CADM1: variants seen among roughly 807,000 people sequenced by gnomAD.
CADM1 encodes TSLC-1.
A neutral mutation model predicts 53.1 loss-of-function variants in CADM1; 15 were observed. The observed-to-expected ratio is 0.28, with a 90% CI of 0.19 to 0.44. The LOEUF (loss-of-function observed/expected upper bound fraction) is 0.44. Ranked by LOEUF, CADM1 falls within the 20% of genes least tolerant of loss-of-function variation. CADM1 has a pLI of 1.00. For missense variants in CADM1, 434 were observed against 611.3 expected (o/e 0.71, Z 3.06); for synonymous variants, 281 against 243.0 (o/e 1.16, Z -1.45).
At chr11:115,458,777 C>G (rs1948733748) in intron 1 of CADM1, among the ~76,000 whole-genome samples, 1 of 151,996 alleles carries the variant, frequency 6.6e-6, no homozygotes, top group Non-Finnish European at 1.5e-5. Flanking sequence ...AACAGGTCCT[C>G]CAGAATCAGA....
At chr11:115,333,090 G>C (rs778780457) in intron 1 of CADM1, among the ~76,000 whole-genome samples, 12 of 152,062 alleles carry the variant, frequency 7.9e-5, no homozygotes, top group Non-Finnish European at 1.8e-4. Flanking sequence ...AATCAAAGCT[G>C]TTTAGCAAAT....
At position 115,185,507 on chromosome 11, in the gene CADM1, G is replaced by A. The variant is rs144567374; in HGVS notation, c.1165+5381C>T. The stretch of plus-strand genomic sequence containing the variant: ...TATCAGGATATTAAATACTATTGTA[G>A]CTAAATATGAAAACAAGTGTTTTGG... On this transcript the variant is annotated intron_variant, in intron 10 of 11. Coordinates refer to ENST00000331581, the MANE Select transcript of CADM1 (RefSeq NM_001301043.2). 1.4e-4 allele frequency among the ~76,000 whole-genome samples: 21 copies of A among 152,274 alleles called. No homozygotes were observed. The East Asian group carries it at 4.1e-3, about 29-fold the overall frequency.
intron 1 of CADM1, among the ~76,000 whole-genome samples, chr11:115,428,117 T>C (rs1947942363): frequency 6.6e-6 from 1 of 152,046 alleles, no homozygotes; most frequent in Non-Finnish European, 1.5e-5. Flanking sequence ...GATGAACCTG[T>C]TCTACCTCCT....
intron 1 of CADM1, among the ~76,000 whole-genome samples, chr11:115,430,848 T>C (rs1374344478): frequency 6.6e-6 from 1 of 152,192 alleles, no homozygotes; most frequent in Non-Finnish European, 1.5e-5. Context: ...TAAAAGACTC[T>C]CTAGTATTTT....
At chr11:115,319,813 A>G (rs964770136) in intron 1 of CADM1, among the ~76,000 whole-genome samples, 1 of 152,154 alleles carries the variant, frequency 6.6e-6, no homozygotes, top group African/African-American at 2.4e-5. Context: ...CAAAAAAGGT[A>G]TTGCCATTAG....
At chr11:115,187,036 G>A (rs1014431094) in intron 10 of CADM1, among the ~76,000 whole-genome samples, 15 of 152,168 alleles carry the variant, frequency 9.9e-5, no homozygotes, top group South Asian at 2.1e-4. Flanking sequence ...AAGATCAAAC[G>A]AAGTAATATG....
At chr11:115,191,311 G>A (rs974363830) in intron 9 of CADM1, among the ~76,000 whole-genome samples, 1 of 152,160 alleles carries the variant, frequency 6.6e-6, no homozygotes, top group Admixed American at 6.5e-5. Context: ...ACTGATGTAT[G>A]TACATTTTAT....
intron 1 of CADM1, among the ~76,000 whole-genome samples, chr11:115,468,520 AAGGTACCTTATGTCTTAC>A (rs1948942712): frequency 2.0e-5 from 3 of 152,140 alleles, no homozygotes; most frequent in Non-Finnish European, 4.4e-5. Context: ...GAAAATGGCC[AAGGTACCTTATGTCTTAC>A]AGGGGTGTGT....
At chr11:115,499,086 A>G (rs1484853042) in intron 1 of CADM1, among the ~76,000 whole-genome samples, 1 of 152,186 alleles carries the variant, frequency 6.6e-6, no homozygotes, top group African/African-American at 2.4e-5. Flanking sequence ...CTTCGAAAAT[A>G]AAACTTTTTT....
intron 5 of CADM1, among the ~76,000 whole-genome samples, chr11:115,220,499 G>A (rs1444598268): frequency 6.6e-6 from 1 of 152,116 alleles, no homozygotes; most frequent in Non-Finnish European, 1.5e-5. Context: ...TTTAAGTTCT[G>A]GAGAAACATC....
At chr11:115,320,952 T>C (rs2135187581) in intron 1 of CADM1, among the ~76,000 whole-genome samples, 1 of 152,264 alleles carries the variant, frequency 6.6e-6, no homozygotes, top group Admixed American at 6.5e-5. Context: ...AGATAAATAA[T>C]TATTCTATCT....
chr11:115,452,782 T>A (rs1979326), intron 1 of CADM1, among the ~76,000 whole-genome samples: 3 of 152,078 alleles, frequency 2.0e-5, no homozygotes, highest in Non-Finnish European at 4.4e-5. Context: ...TTTTTCCACC[T>A]TTTAAGAGAT....
chr11:115,254,549 AACACACACACACAC>A (rs58261564), intron 1 of CADM1, among the ~76,000 whole-genome samples: 98 of 134,986 alleles, frequency 7.3e-4, no homozygotes, highest in Admixed American at 4.6e-3. Context: ...AAGGGAGACA[AACACACACACACAC>A]ACACACACAC....
intron 1 of CADM1, among the ~76,000 whole-genome samples, chr11:115,352,141 C>T (rs1466013414): frequency 1.3e-5 from 2 of 152,170 alleles, no homozygotes; most frequent in South Asian, 4.1e-4. Context: ...TAAAAGCCCC[C>T]AAGTTACCAT....
At chr11:115,221,356 G>A (rs1019586567) in intron 5 of CADM1, among the ~76,000 whole-genome samples, 7 of 152,130 alleles carry the variant, frequency 4.6e-5, no homozygotes, top group African/African-American at 1.7e-4. Context: ...TAGCAAGACT[G>A]CTATAGCAGA....
chr11:115,330,879 C>T (rs1199485943), intron 1 of CADM1, among the ~76,000 whole-genome samples: 1 of 152,056 alleles, frequency 6.6e-6, no homozygotes, highest in East Asian at 1.9e-4. Flanking sequence ...CCACCTCCAC[C>T]CAAGAAGGAG....
intron 1 of CADM1, among the ~76,000 whole-genome samples, chr11:115,478,383 T>A (rs1949183722): frequency 6.6e-6 from 1 of 152,024 alleles, no homozygotes; most frequent in Non-Finnish European, 1.5e-5. Flanking sequence ...GGGGTAAATA[T>A]CTAGAAAAGG....
chr11:115,340,650 A>ATTTTT lies in CADM1; in HGVS notation c.125-100231_125-100230insAAAAA, dbSNP rs1565375180. ...ATTATATATATATATATATATATAT[A>ATTTTT]TATATATATTTTTTTTTTTTTTTTT... On this transcript the variant is annotated intron_variant, in intron 1 of 11. Coordinates refer to ENST00000331581, the MANE Select transcript of CADM1 (RefSeq NM_001301043.2). 1.7e-4 allele frequency among the ~76,000 whole-genome samples: 6 copies of ATTTTT among 35,626 alleles called. 1 individual carries two copies. Among genetic ancestry groups the ATTTTT allele is most frequent in the African/African-American group, 6.1e-4 (6 of 9,830 alleles). The allele number at this position is 35,626 out of a possible 152,430, so 23.4% of individuals were successfully genotyped here.
chr11:115,397,302 C>T (rs1031879624), intron 1 of CADM1: 1 of 152,102 alleles, frequency 6.6e-6, no homozygotes, highest in Non-Finnish European at 1.5e-5. Flanking sequence ...ACACAACATT[C>T]CAAGATAGAT....
Sources: gnomAD v4.1 joint callset for allele counts (sites outside exome capture counted in the v4.1 genomes callset) on GRCh38, gnomAD v4.1.1 for gene constraint, MANE v1.5 for transcripts, NCBI Gene and HGNC (gene_info 2026-07-23, HGNC 2026-07-21) for gene names.